Variants in PNPLA4 observed in about 807,000 individuals in gnomAD.
The protein encoded by PNPLA4 is patatin-like phospholipase domain-containing protein 4.
A neutral mutation model predicts 18.3 loss-of-function variants in PNPLA4; 15 were observed. The observed-to-expected ratio is 0.82, with a 90% CI of 0.55 to 1.26. The LOEUF is 1.26. Ranked by LOEUF, PNPLA4 falls within the 50% of genes most tolerant of loss-of-function variation. The pLI, the probability that PNPLA4 is intolerant of heterozygous loss-of-function variation, is 0.00. For missense variants in PNPLA4, 229 were observed against 196.8 expected (o/e 1.16, Z -0.98); for synonymous variants, 88 against 85.6 (o/e 1.03, Z -0.16).
chrX:7,919,498 T>C (rs1285123416), intron 4 of PNPLA4, among the ~76,000 whole-genome samples: 1 of 112,404 alleles, frequency 8.9e-6, no homozygotes, highest in African/African-American at 3.2e-5. Flanking sequence ...TGGCATGTGG[T>C]TGCTACATCT....
chrX:7,914,136 T>C (rs1480314680), intron 4 of PNPLA4, among the ~76,000 whole-genome samples: 1 of 112,356 alleles, frequency 8.9e-6, no homozygotes, highest in Non-Finnish European at 1.9e-5. Context: ...AATAATAACC[T>C]CACGCAAGGT....
Position 7,926,075 on chromosome X carries a change from G to A in PNPLA4, c.45C>T (p.Gly15=), listed in dbSNP as rs745973142. The change falls in exon 2 of 7, where the codon GGC becomes GGT. Residue 15 remains glycine, a synonymous_variant. Transcript: ENST00000381042. ...CAGATGCTGCCCCCAAGTGGTAAAT[G>A]CCCAGAAATCCACACGCTGCAAATG... ...NLSFAACGFL[G]IYHLGAASAL... is the part of the protein sequence containing the mutation. The A allele has an allele frequency of 8.3e-7, 1 of 1,210,996 alleles. No homozygotes were observed. The highest frequency in any genetic ancestry group is 1.1e-6 in the Non-Finnish European group (1 of 894,807).
At chrX:7,905,132 A>T (rs1332990694) in intron 5 of PNPLA4, among the ~76,000 whole-genome samples, 1 of 112,241 alleles carries the variant, frequency 8.9e-6, no homozygotes, top group African/African-American at 3.2e-5. Context: ...AACCAAAAAC[A>T]AAACAAAAAA....
chrX:7,921,682 T>G, intron 4 of PNPLA4, 31 bp downstream of exon 4: 1 of 1,178,510 alleles, frequency 8.5e-7, no homozygotes, highest in Non-Finnish European at 1.2e-6. Flanking sequence ...CACTTGCTGA[T>G]TTCTTCAAAT....
intron 5 of PNPLA4, among the ~76,000 whole-genome samples, chrX:7,906,933 G>T (rs1923723433): frequency 8.9e-6 from 1 of 112,141 alleles, no homozygotes. Context: ...AAAAGGCCAA[G>T]AAGCGATCTT....
Position 7,920,666 on chromosome X carries a change from G to GA in PNPLA4, c.411+1046dup, listed in dbSNP as rs758735243. Among the ~76,000 whole-genome samples the GA allele has an allele frequency of 5.4e-5, 6 of 112,022 alleles. No individual in the cohort carries two copies. In the East Asian group the frequency reaches 1.1e-3, roughly 21 times the overall value. On this transcript the variant is annotated intron_variant, in intron 4 of 6. Transcript: ENST00000381042. ...TGATTTGCACTAGAGGGAAAAACAA[G>GA]AAAAAATTCCAAGAGAAGTACACCC...
chrX:7,903,274 GTTTA>G (rs55848008), intron 5 of PNPLA4, among the ~76,000 whole-genome samples: 21,773 of 92,794 alleles, frequency 0.23, 2,504 homozygotes, highest in East Asian at 0.37. Flanking sequence ...TCCTTCTTGT[GTTTA>G]TTTATTTATT....
Position 7,922,021 on chromosome X carries a change from G to A in PNPLA4, c.258C>T (p.Asp86=), listed in dbSNP as rs1924239401. 8.3e-7 allele frequency: 1 copy of A among 1,204,733 alleles called. No individual in the cohort carries two copies. The highest frequency in any genetic ancestry group is 1.8e-5 in the South Asian group (1 of 56,437). Residue 86 remains aspartate (D), a synonymous_variant, in exon 3 of 7, where the codon GAC becomes GAT. Coordinates refer to ENST00000381042, the MANE Select transcript of PNPLA4 (RefSeq NM_004650.3). ...QSFGAVTPGY[D]FMARLRSGME... ...CTGTATACCTTAGTCGGGCCATGAAGTCATAACCGGGCGTTACTGCCCCGA... is the reference window on the plus strand; with the variant it reads ...CTGTATACCTTAGTCGGGCCATGAAATCATAACCGGGCGTTACTGCCCCGA...
intron 5 of PNPLA4, among the ~76,000 whole-genome samples, chrX:7,909,947 G>A (rs1923822484): frequency 8.9e-6 from 1 of 111,739 alleles, no homozygotes; most frequent in African/African-American, 3.3e-5. Context: ...GAAGAAGAAA[G>A]TGTATATTGG....
chrX:7,909,363 TC>T (rs1296727646), intron 5 of PNPLA4, among the ~76,000 whole-genome samples: 2 of 110,680 alleles, frequency 1.8e-5, no homozygotes, highest in Non-Finnish European at 1.9e-5. Context: ...ATAGAGACCA[TC>T]CCGGCTAACA....
Position 7,902,135 on chromosome X carries a change from C to T in PNPLA4, c.484G>A (p.Val162Met), listed in dbSNP as rs547935401. ...AGAGCGTTGGTGAGGCCTCCGTCCACCCACTTCTGTGGAAAGAAACATCTC... is the reference window on the plus strand; with the variant it reads ...AGAGCGTTGGTGAGGCCTCCGTCCATCCACTTCTGTGGAAAGAAACATCTC... ...KLVEYKGQKWVDGGLTNALPI... is the reference protein window; with the variant it reads ...KLVEYKGQKWMDGGLTNALPI... Residue 162 changes from valine to methionine, a missense_variant, in exon 6 of 7, where the codon GTG (valine) becomes ATG (methionine). Val to Met is a conservative substitution (Grantham distance 21). Coordinates refer to ENST00000381042, the MANE Select transcript of PNPLA4 (RefSeq NM_004650.3). 8 of 1,199,661 alleles carry T rather than the reference C, an allele frequency of 6.7e-6. No homozygotes were observed. Among genetic ancestry groups the T allele is most frequent in the African/African-American group, 1.7e-5 (1 of 57,212 alleles).
chrX:7,914,013 G>A (rs1366459192), intron 4 of PNPLA4, among the ~76,000 whole-genome samples: 3 of 111,622 alleles, frequency 2.7e-5, no homozygotes, highest in Non-Finnish European at 5.6e-5. Context: ...TATCTCAATC[G>A]CTTGTTTATT....
intron 2 of PNPLA4, among the ~76,000 whole-genome samples, chrX:7,923,851 T>G (rs1454796269): frequency 9.1e-6 from 1 of 109,788 alleles, no homozygotes; most frequent in Non-Finnish European, 1.9e-5. Context: ...GCCCCGGGGG[T>G]AATGAGGTGA....
At chrX:7,906,425 TG>T (rs1923706321) in intron 5 of PNPLA4, among the ~76,000 whole-genome samples, 1 of 111,916 alleles carries the variant, frequency 8.9e-6, no homozygotes, top group Non-Finnish European at 1.9e-5. Flanking sequence ...TTTGCATGTG[TG>T]AAGGATGATT....
intron 6 of PNPLA4, among the ~76,000 whole-genome samples, 171 bp downstream of exon 6, chrX:7,901,818 C>A (rs1476469338): frequency 1.8e-5 from 2 of 111,142 alleles, no homozygotes; most frequent in Non-Finnish European, 3.8e-5. Context: ...AAATTAGCCC[C>A]GTTCCTATGG....
chrX:7,926,685 C>T (rs1438114416), intron 1 of PNPLA4, among the ~76,000 whole-genome samples: 1 of 112,314 alleles, frequency 8.9e-6, no homozygotes, highest in African/African-American at 3.2e-5. Context: ...AATAAGCAAT[C>T]ACTCAACAAT....
Position 7,921,832 on chromosome X carries a change from T to A in PNPLA4, c.292A>T (p.Ile98Phe). The change falls in exon 4 of 7, where the codon ATT (isoleucine) becomes TTT (phenylalanine). Residue 98 changes from isoleucine (I) to phenylalanine (F), a missense_variant. Ile to Phe is a conservative substitution (Grantham distance 21, BLOSUM62 0). Coordinates refer to ENST00000381042, the MANE Select transcript of PNPLA4 (RefSeq NM_004650.3). ...MARLRSGMESILPPSAHELAQ... is the reference protein window; with the variant it reads ...MARLRSGMESFLPPSAHELAQ... ...AGCTCGTGAGCGCTGGGAGGAAGAA[T>A]CGACTCCATCCCACTTCTAAAGAAG... is the stretch of plus-strand genomic sequence containing the variant. 8.3e-7 allele frequency: 1 copy of A among 1,208,589 alleles called. No individual in the cohort carries two copies. Among genetic ancestry groups the A allele is most frequent in the South Asian group, 1.8e-5 (1 of 56,808 alleles).
At chrX:7,901,561 T>A (rs1320360599) in intron 6 of PNPLA4, among the ~76,000 whole-genome samples, 1 of 111,796 alleles carries the variant, frequency 8.9e-6, no homozygotes, top group African/African-American at 3.3e-5. Context: ...CACTCCAGCC[T>A]AGGGGACAGA....
intron 4 of PNPLA4, among the ~76,000 whole-genome samples, chrX:7,917,580 G>A (rs1924083405): frequency 8.9e-6 from 1 of 111,910 alleles, no homozygotes; most frequent in Admixed American, 9.5e-5. Flanking sequence ...GCTCCATTCA[G>A]CATGCATAAA....
Sources: gnomAD v4.1 joint callset for allele counts (sites outside exome capture counted in the v4.1 genomes callset) on GRCh38, gnomAD v4.1.1 for gene constraint, MANE v1.5 for transcripts, NCBI Gene and HGNC (gene_info 2026-07-23, HGNC 2026-07-21) for gene names.